LRRC37A2: variants seen among roughly 807,000 people sequenced by gnomAD.
The protein encoded by LRRC37A2 is leucine rich repeat containing 37 member A2, also known as leucine-rich repeat-containing protein 37A2.
LRRC37A2 carries 9 observed loss-of-function variants against 68.8 expected under a neutral mutation model. That is an observed-to-expected ratio of 0.13 (90% confidence interval 0.08 to 0.23). LRRC37A2 has a LOEUF of 0.23. LRRC37A2 is among the 10% of genes least tolerant of loss of function. The pLI is 1.00. For synonymous variants in LRRC37A2, 63 were observed against 367.6 expected, an observed-to-expected ratio of 0.17 and a Z score of 9.48; for missense variants, 168 against 950.4, an observed-to-expected ratio of 0.18 and a Z score of 10.82.
chr17:47,013,586 C>A, the LRRC37A2 span, among the ~76,000 whole-genome samples: 5 of 152,310 alleles, frequency 3.3e-5, no homozygotes, highest in East Asian at 7.7e-4. Flanking sequence ...GAATGTGAAC[C>A]AAGATCTGGC....
chr17:46,929,527 C>T, the LRRC37A2 span: 6 of 1,539,928 alleles, frequency 3.9e-6, no homozygotes, highest in Non-Finnish European at 5.4e-6. Context: ...TAGGCAGGTC[C>T]ACGAGATCCA....
the LRRC37A2 span, among the ~76,000 whole-genome samples, chr17:46,882,117 C>G: frequency 4.6e-5 from 7 of 152,172 alleles, no homozygotes; most frequent in African/African-American, 1.7e-4. Context: ...GATTGCACCA[C>G]TGCCTTCCAG....
the LRRC37A2 span, among the ~76,000 whole-genome samples, chr17:46,946,879 A>G: frequency 6.6e-6 from 1 of 152,156 alleles, no homozygotes; most frequent in Non-Finnish European, 1.5e-5. Flanking sequence ...AAAAAAACAA[A>G]AATTATGAGA....
chr17:46,741,607 A>G, the LRRC37A2 span, among the ~76,000 whole-genome samples: 2 of 152,166 alleles, frequency 1.3e-5, no homozygotes, highest in African/African-American at 4.8e-5. Context: ...AAGAAAAGAA[A>G]AAGTTACAGG....
At chr17:46,723,858 G>A in the LRRC37A2 span, among the ~76,000 whole-genome samples, 1 of 152,124 alleles carries the variant, frequency 6.6e-6, no homozygotes, top group African/African-American at 2.4e-5. Context: ...TATACAATCA[G>A]GAAAATGTTT....
the LRRC37A2 span, among the ~76,000 whole-genome samples, chr17:46,975,013 T>A: frequency 1.1e-5 from 1 of 92,200 alleles, no homozygotes; most frequent in Non-Finnish European, 2.4e-5. Context: ...TTTTTTTTTT[T>A]ATGTCCAGGG....
At chr17:46,868,486 C>T in the LRRC37A2 span, among the ~76,000 whole-genome samples, 5 of 152,124 alleles carry the variant, frequency 3.3e-5, no homozygotes, top group Non-Finnish European at 7.4e-5. Context: ...ATCCCAGCTA[C>T]TCGGGAGGCT....
At chr17:46,929,581 C>A in the LRRC37A2 span, 1 of 1,471,786 alleles carries the variant, frequency 6.8e-7, no homozygotes, top group Non-Finnish European at 9.5e-7. Flanking sequence ...GCAGTCTGTG[C>A]ACAGTGAGTA....
the LRRC37A2 span, among the ~76,000 whole-genome samples, chr17:46,691,943 G>A: frequency 1.3e-5 from 2 of 150,682 alleles, no homozygotes; most frequent in African/African-American, 4.9e-5. Context: ...AGTAGAGATA[G>A]GGTTTCACCA....
At chr17:46,929,830 A>G in the LRRC37A2 span, 1 of 499,852 alleles carries the variant, frequency 2.0e-6, no homozygotes, top group East Asian at 3.6e-5. Flanking sequence ...TGGGAATGGA[A>G]GCGCTTGCCT....
the LRRC37A2 span, among the ~76,000 whole-genome samples, chr17:46,392,409 T>TTCTTTC: frequency 2.0e-4 from 10 of 49,444 alleles, 4 homozygotes; most frequent in South Asian, 2.6e-3. Flanking sequence ...CTTTCTTTCT[T>TTCTTTC]TCTCTCTCTC....
the LRRC37A2 span, among the ~76,000 whole-genome samples, chr17:46,795,712 G>T: frequency 4.6e-5 from 7 of 152,296 alleles, no homozygotes; most frequent in African/African-American, 1.4e-4. Context: ...ACTCACAAAC[G>T]ATTCTGCCGC....
chr17:46,463,859 C>T, the LRRC37A2 span, among the ~76,000 whole-genome samples: 1 of 39,836 alleles, frequency 2.5e-5, no homozygotes, highest in African/African-American at 4.3e-5. Context: ...ATATAACATC[C>T]CGTCTTCAAA....
the LRRC37A2 span, among the ~76,000 whole-genome samples, chr17:46,816,595 T>G: frequency 6.6e-6 from 1 of 152,114 alleles, no homozygotes; most frequent in Admixed American, 6.6e-5. Flanking sequence ...AGCATTATGT[T>G]AGGGCCAATG....
the LRRC37A2 span, chr17:46,885,334 G>T: frequency 1.8e-5 from 4 of 218,178 alleles, no homozygotes; most frequent in African/African-American, 5.2e-5. Context: ...ACAGAGTCTC[G>T]CTCTGTCACC....
chr17:46,712,967 T>C, the LRRC37A2 span, among the ~76,000 whole-genome samples: 12 of 152,136 alleles, frequency 7.9e-5, no homozygotes, highest in African/African-American at 2.7e-4. Flanking sequence ...TGGAGATCAT[T>C]TGTGACCTTG....
the LRRC37A2 span, among the ~76,000 whole-genome samples, chr17:46,910,768 G>A: frequency 6.6e-6 from 1 of 152,216 alleles, no homozygotes; most frequent in African/African-American, 2.4e-5. Context: ...ACTTCAGGGA[G>A]CCAGCAAAGG....
At chr17:46,711,141 G>A in the LRRC37A2 span, 7 of 1,472,412 alleles carry the variant, frequency 4.8e-6, no homozygotes, top group South Asian at 1.4e-5. Flanking sequence ...TGAGGAGATG[G>A]CATTAAAAGT....
chr17:46,929,475 T>TAATC, the LRRC37A2 span: 7 of 976,450 alleles, frequency 7.2e-6, 1 homozygote, highest in South Asian at 6.4e-5. Flanking sequence ...TGAAGCGCTG[T>TAATC]TGATTACTCC....
Sources: allele counts gnomAD v4.1 joint callset (sites outside exome capture counted in the v4.1 genomes callset), GRCh38; gene constraint gnomAD v4.1.1; transcripts MANE v1.5; gene names NCBI Gene and HGNC (gene_info 2026-07-23, HGNC 2026-07-21).